LIPI: variants seen among roughly 807,000 people sequenced by gnomAD.
LIPI encodes lipase I.
Under a neutral mutation model 50.6 loss-of-function variants are expected in LIPI, and 59 were observed. That is an observed-to-expected ratio of 1.16 (90% CI 0.94 to 1.45). The LOEUF (loss-of-function observed/expected upper bound fraction) is 1.45, where lower values mean the gene tolerates loss of function less well. LIPI is among the 40% of genes most tolerant of loss of function. The pLI, the probability that LIPI is intolerant of heterozygous loss-of-function variation, is 0.00. For missense variants in LIPI, 586 were observed against 536.3 expected, an observed-to-expected ratio of 1.09 and a Z score of -0.92; for synonymous variants, 203 against 178.2, an observed-to-expected ratio of 1.14 and a Z score of -1.11.
intron 1 of LIPI, among the ~76,000 whole-genome samples, chr21:14,209,930 A>C (rs1029633031): frequency 6.6e-6 from 1 of 152,022 alleles, no homozygotes; most frequent in African/African-American, 2.4e-5. Flanking sequence ...TATCAGTATC[A>C]TTTAGTTTCT....
intron 9 of LIPI, among the ~76,000 whole-genome samples, chr21:14,134,192 G>A (rs917844030): frequency 6.6e-6 from 1 of 152,118 alleles, no homozygotes; most frequent in South Asian, 2.1e-4. Flanking sequence ...GATCATGCCA[G>A]TATACTTCAG....
chr21:14,165,409 A>C lies in LIPI; in HGVS notation c.734-19T>G, dbSNP rs957310833. 1.3e-6 allele frequency: 2 copies of C among 1,581,934 alleles called. No individual in the cohort carries two copies. Among genetic ancestry groups the C allele is most frequent in the Non-Finnish European group, 1.7e-6 (2 of 1,153,900 alleles). ...TGAATTCCTTAAGGGTTAAAAAAAA[A>C]ACAAAGAACTGTAGATGTATTAAGC... On this transcript the variant is annotated intron_variant, in intron 5 of 9. Transcript: ENST00000681601.
At chr21:14,185,097 C>A (rs2019406444) in intron 3 of LIPI, among the ~76,000 whole-genome samples, 1 of 152,046 alleles carries the variant, frequency 6.6e-6, no homozygotes, top group Admixed American at 6.6e-5. Context: ...ATATTATCCT[C>A]CTATTCCTAA....
At chr21:14,110,045 C>T (rs2016340112) in intron 9 of LIPI, among the ~76,000 whole-genome samples, 1 of 151,816 alleles carries the variant, frequency 6.6e-6, no homozygotes, top group African/African-American at 2.4e-5. Context: ...TGAATTTGTA[C>T]TTCTAATGCT....
chr21:14,150,581 TA>T (rs1273517141), intron 8 of LIPI, among the ~76,000 whole-genome samples: 1 of 152,210 alleles, frequency 6.6e-6, no homozygotes, highest in Non-Finnish European at 1.5e-5. Context: ...ATAATTTGAA[TA>T]AGCAATTGAA....
At chr21:14,166,336 T>C (rs2018682302) in intron 5 of LIPI, 26 bp downstream of exon 5, 3 of 1,197,016 alleles carry the variant, frequency 2.5e-6, no homozygotes, top group Middle Eastern at 1.9e-4. Context: ...TATTATGTAG[T>C]TCATTCAAAA....
chr21:14,171,036 T>C (rs1332074319), intron 4 of LIPI, among the ~76,000 whole-genome samples: 2 of 150,388 alleles, frequency 1.3e-5, no homozygotes, highest in African/African-American at 2.4e-5. Context: ...ACAAAATCAA[T>C]GTGCAAAAAT....
In LIPI at chr21:14,184,497, A is replaced by AT. The variant is rs996775324; in HGVS notation, c.541+1463dup. ...ATAATAATAATAAAATTTAAAAAAA[A>AT]TTTAAATAAAACTGAAAAATTCCTA... is the stretch of plus-strand genomic sequence containing the variant. On this transcript the variant is annotated intron_variant, in intron 3 of 9. Transcript: ENST00000681601. Among the ~76,000 whole-genome samples, 60 of 151,978 alleles carry AT rather than the reference A, an allele frequency of 3.9e-4. 1 individual carries two copies. In the South Asian group the frequency reaches 0.012, roughly 30 times the overall value.
chr21:14,161,571 A>G (rs1363903730), intron 7 of LIPI, among the ~76,000 whole-genome samples: 2 of 62,362 alleles, frequency 3.2e-5, no homozygotes, highest in Admixed American at 2.0e-4. Context: ...TATATCTATT[A>G]TATATATAAT....
At chr21:14,173,774 G>A (rs893629218) in intron 4 of LIPI, among the ~76,000 whole-genome samples, 1 of 152,132 alleles carries the variant, frequency 6.6e-6, no homozygotes, top group Non-Finnish European at 1.5e-5. Context: ...GAGGCTGGAG[G>A]GAGGGGAGAA....
At chr21:14,131,595 A>G (rs1444205308) in intron 9 of LIPI, among the ~76,000 whole-genome samples, 2 of 152,172 alleles carry the variant, frequency 1.3e-5, no homozygotes, top group Non-Finnish European at 2.9e-5. Flanking sequence ...AAAAAACTGA[A>G]ACAAGTGACT....
At chr21:14,196,172 A>AAAAAAAAAAT (rs139955022) in intron 1 of LIPI, among the ~76,000 whole-genome samples, 1 of 138,316 alleles carries the variant, frequency 7.2e-6, no homozygotes, top group African/African-American at 2.6e-5. Context: ...AAAAAACAAA[A>AAAAAAAAAAT]CAAGAAGTAT....
At chr21:14,174,540 G>T (rs1031398164) in intron 4 of LIPI, among the ~76,000 whole-genome samples, 46 of 150,614 alleles carry the variant, frequency 3.1e-4, no homozygotes, top group African/African-American at 1.0e-3. Context: ...ATCATCTGTT[G>T]TTTATTTTAT....
intron 9 of LIPI, among the ~76,000 whole-genome samples, chr21:14,113,327 C>T (rs891084448): frequency 1.3e-5 from 2 of 152,038 alleles, no homozygotes; most frequent in African/African-American, 4.8e-5. Flanking sequence ...AGTTATTATA[C>T]CTTTATTTCA....
At position 14,128,110 on chromosome 21, in the gene LIPI, G is replaced by A. The variant is rs188689824; in HGVS notation, c.1295+16513C>T. Among the ~76,000 whole-genome samples the A allele has an allele frequency of 2.1e-3, 318 of 152,116 alleles. 2 individuals carry two copies. The highest frequency in any genetic ancestry group is 2.2e-3 in the Non-Finnish European group (152 of 67,880). On this transcript the variant is annotated intron_variant, in intron 9 of 9. Coordinates refer to ENST00000681601, the MANE Select transcript of LIPI (RefSeq NM_001302998.2). Reference sequence around the variant, plus strand: ...TAATGAGACTTGAAGATACTGCAGTGTAGGCTGAATGATGTATACACACAG... The same window carrying A: ...TAATGAGACTTGAAGATACTGCAGTATAGGCTGAATGATGTATACACACAG...
intron 9 of LIPI, among the ~76,000 whole-genome samples, chr21:14,114,313 A>G (rs576464451): frequency 3.2e-4 from 48 of 152,188 alleles, no homozygotes; most frequent in Admixed American, 1.8e-3. Context: ...TATGGGAACT[A>G]CAATCAGACC....
Position 14,206,986 on chromosome 21 carries a change from C to A in LIPI, c.46+3814G>T, listed in dbSNP as rs1407449271. On this transcript the variant is annotated intron_variant, in intron 1 of 9. Coordinates refer to ENST00000681601, the MANE Select transcript of LIPI (RefSeq NM_001302998.2). ...TATTCATGTATAATAAGAAGGAAGA[C>A]CCTTTTGGGCCAGCAGAATTCCAAG... 5.5e-6 allele frequency: 6 copies of A among 1,095,314 alleles called. No homozygotes were observed. The African/African-American group carries it at 6.2e-5, about 11-fold the overall frequency. The allele number at this position is 1,095,314 out of a possible 1,614,324, so 67.8% of individuals were successfully genotyped here.
chr21:14,187,734 G>T (rs146166074), intron 2 of LIPI, among the ~76,000 whole-genome samples: 1 of 151,234 alleles, frequency 6.6e-6, no homozygotes, highest in Non-Finnish European at 1.5e-5. Context: ...AAATTTGGGG[G>T]TGTAAAAATA....
intron 9 of LIPI, among the ~76,000 whole-genome samples, chr21:14,141,186 G>GTAGT (rs1208865015): frequency 2.0e-5 from 3 of 151,746 alleles, no homozygotes; most frequent in African/African-American, 7.3e-5. Flanking sequence ...TATTACATCC[G>GTAGT]TAGTTAGTTC....
Sources: gnomAD v4.1 joint callset for allele counts (sites outside exome capture counted in the v4.1 genomes callset) on GRCh38, gnomAD v4.1.1 for gene constraint, MANE v1.5 for transcripts, NCBI Gene and HGNC (gene_info 2026-07-23, HGNC 2026-07-21) for gene names.